Variants in ABCA12 observed in about 807,000 individuals in gnomAD.
ABCA12 encodes glucosylceramide transporter ABCA12.
A neutral mutation model predicts 293.5 loss-of-function variants in ABCA12; 156 were observed. That is an observed-to-expected ratio of 0.53 (90% CI 0.47 to 0.61). The LOEUF is 0.61. Ranked by LOEUF, ABCA12 falls within the 20% of genes least tolerant of loss-of-function variation. The pLI, the probability that ABCA12 is intolerant of heterozygous loss-of-function variation, is 0.00. For synonymous variants in ABCA12, 1,063 were observed against 1,108.0 expected (o/e 0.96, Z 0.81); for missense variants, 2,797 against 3,090.2 (o/e 0.91, Z 2.25).
intron 27 of ABCA12, among the ~76,000 whole-genome samples, chr2:214,987,421 A>G (rs1384323518): frequency 6.6e-6 from 1 of 152,154 alleles, no homozygotes. Context: ...GGGATCTGCA[A>G]TCTTGGCCTA....
intron 23 of ABCA12, among the ~76,000 whole-genome samples, chr2:214,991,656 C>T (rs1474139914): frequency 6.6e-6 from 1 of 152,128 alleles, no homozygotes; most frequent in Non-Finnish European, 1.5e-5. Context: ...TATTTGTCAT[C>T]CTTGTTTTCC....
chr2:215,123,266 T>C (rs183869224), intron 1 of ABCA12, among the ~76,000 whole-genome samples: 147 of 152,236 alleles, frequency 9.7e-4, no homozygotes, highest in Non-Finnish European at 1.9e-3. Context: ...CTCCACCTCC[T>C]AGATCCAGTG....
chr2:214,932,560 G>T lies in ABCA12; in HGVS notation c.*74C>A. ...TACTTTAAAATGAAGATATCTTGCG[G>T]AAGTGTATCTTCTGTGGCTTTTCTT... On this transcript the variant is annotated 3_prime_UTR_variant, in exon 53 of 53. Coordinates refer to ENST00000272895, the MANE Select transcript of ABCA12 (RefSeq NM_173076.3). 3.7e-6 allele frequency: 4 copies of T among 1,071,722 alleles called. No individual in the cohort carries two copies. Among genetic ancestry groups the T allele is most frequent in the Non-Finnish European group, 5.8e-6 (4 of 695,452 alleles). The allele number at this position is 1,071,722 out of a possible 1,614,324, so 66.4% of individuals were successfully genotyped here.
At chr2:215,134,236 G>A (rs1703124832) in intron 1 of ABCA12, among the ~76,000 whole-genome samples, 1 of 146,422 alleles carries the variant, frequency 6.8e-6, no homozygotes, top group African/African-American at 2.6e-5. Context: ...ATATATATAT[G>A]TATATGTGTA....
At chr2:215,134,874 C>T (rs1160314071) in intron 1 of ABCA12, among the ~76,000 whole-genome samples, 4 of 151,898 alleles carry the variant, frequency 2.6e-5, no homozygotes, top group African/African-American at 4.8e-5. Flanking sequence ...TCTCGAACTC[C>T]TAGGCTCAAG....
intron 7 of ABCA12, among the ~76,000 whole-genome samples, chr2:215,044,250 CTG>C (rs901850280): frequency 6.6e-6 from 1 of 152,234 alleles, no homozygotes; most frequent in Non-Finnish European, 1.5e-5. Flanking sequence ...TTCCAAATGA[CTG>C]TGTTGTTTCC....
At chr2:214,991,085 A>G in intron 23 of ABCA12, 54 bp from the exon 24 acceptor site, 1 of 1,502,346 alleles carries the variant, frequency 6.7e-7, no homozygotes, top group Non-Finnish European at 9.3e-7. Flanking sequence ...TTCCAAATAA[A>G]AATTATTCCC....
At chr2:215,119,484 T>G (rs2105906441) in intron 1 of ABCA12, among the ~76,000 whole-genome samples, 1 of 152,234 alleles carries the variant, frequency 6.6e-6, no homozygotes, top group Middle Eastern at 3.4e-3. Flanking sequence ...TTTTTATATA[T>G]GGGGAAAGGT....
At chr2:214,973,604 T>A (rs1325070585) in intron 36 of ABCA12, among the ~76,000 whole-genome samples, 1 of 152,184 alleles carries the variant, frequency 6.6e-6, no homozygotes, top group Non-Finnish European at 1.5e-5. Flanking sequence ...ACAGTGGCAG[T>A]CTTGCTATAT....
intron 38 of ABCA12, among the ~76,000 whole-genome samples, chr2:214,967,596 A>G (rs2105948558): frequency 6.6e-6 from 1 of 152,284 alleles, no homozygotes; most frequent in East Asian, 1.9e-4. Flanking sequence ...ATGTTTGTGC[A>G]AGAATATTTA....
intron 9 of ABCA12, chr2:215,030,290 G>A (rs1193761371): frequency 3.3e-5 from 5 of 152,152 alleles, no homozygotes; most frequent in African/African-American, 1.2e-4. Context: ...TATAGGGAAT[G>A]TGTTTAAAAG....
At chr2:214,995,063 A>C (rs1222521404) in intron 23 of ABCA12, among the ~76,000 whole-genome samples, 2 of 152,168 alleles carry the variant, frequency 1.3e-5, no homozygotes, top group Non-Finnish European at 2.9e-5. Context: ...ACAAAACCCA[A>C]TCGAAAGGCA....
intron 2 of ABCA12, among the ~76,000 whole-genome samples, chr2:215,099,998 A>ATC (rs771541522): frequency 8.5e-4 from 126 of 147,880 alleles, no homozygotes; most frequent in Middle Eastern, 6.9e-3. Context: ...GATGAAATTG[A>ATC]TCTCTCTCTC....
chr2:214,975,721 A>G (rs1411574033), intron 34 of ABCA12, 64 bp downstream of exon 34: 2 of 1,599,894 alleles, frequency 1.3e-6, no homozygotes, highest in Admixed American at 3.3e-5. Context: ...GCCTTCATTC[A>G]GGTACAACCA....
In ABCA12 at chr2:214,983,687, G is replaced by A. The variant is rs1699720571; in HGVS notation, c.4342C>T (p.Pro1448Ser). The A allele has an allele frequency of 1.2e-6, 2 of 1,614,056 alleles. No individual in the cohort carries two copies. The highest frequency in any genetic ancestry group is 2.2e-5 in the East Asian group (1 of 44,862). The stretch of plus-strand genomic sequence containing the variant: ...TGGAGCTGCTTTTTAGTCCAGTGAG[G>A]AACTTTGATGGAACCATATAGGAGA... ...HLLLYGSIKV[P>S]HWTKKQLHEE... Residue 1448 changes from proline to serine, a missense_variant, in exon 29 of 53, where the codon CCT (proline) becomes TCT (serine). Pro to Ser is a moderately conservative substitution (Grantham distance 74). Transcript: ENST00000272895.
chr2:215,105,795 C>T lies in ABCA12; in HGVS notation c.163+5802G>A, dbSNP rs1385565144. Among the ~76,000 whole-genome samples, 4 of 152,160 alleles carry T rather than the reference C, an allele frequency of 2.6e-5. No individual in the cohort carries two copies. The East Asian group carries it at 7.7e-4, about 29-fold the overall frequency. On this transcript the variant is annotated intron_variant, in intron 2 of 52. Coordinates refer to ENST00000272895, the MANE Select transcript of ABCA12 (RefSeq NM_173076.3). ...ATGGGAGGTAAACGAAGGGAGGAGT[C>T]ATGGATGATTCAGATGTTTCTAACC...
At chr2:215,088,641 C>T (rs1434411970) in intron 2 of ABCA12, among the ~76,000 whole-genome samples, 3 of 152,076 alleles carry the variant, frequency 2.0e-5, no homozygotes, top group Non-Finnish European at 4.4e-5. Context: ...AGACTGGAAA[C>T]AAAGCTGTCA....
At chr2:215,103,346 G>A (rs749589073) in intron 2 of ABCA12, among the ~76,000 whole-genome samples, 12 of 136,400 alleles carry the variant, frequency 8.8e-5, no homozygotes, top group Admixed American at 4.4e-4. Flanking sequence ...TCAGCTCACT[G>A]CAACGTCTGC....
chr2:214,991,008 G>A lies in ABCA12; in HGVS notation c.3318C>T (p.Asn1106=), dbSNP rs1481200235. The A allele has an allele frequency of 1.2e-6, 2 of 1,613,816 alleles. No homozygotes were observed. The highest frequency in any genetic ancestry group is 1.7e-6 in the Non-Finnish European group (2 of 1,179,974). Residue 1106 remains asparagine (N), a synonymous_variant, in exon 24 of 53, where the codon AAC becomes AAT. Coordinates refer to ENST00000272895, the MANE Select transcript of ABCA12 (RefSeq NM_173076.3). The part of the protein sequence containing the change: ...LHEYMKMMGV[N]SCSHFFAWLI... ...GCCAGGCAAAGAAATGGCTGCAGGA[G>A]TTCACACCCATCATCTTCATGTACT... is the stretch of plus-strand genomic sequence containing the variant.
Sources: gnomAD v4.1 joint callset for allele counts (sites outside exome capture counted in the v4.1 genomes callset) on GRCh38, gnomAD v4.1.1 for gene constraint, MANE v1.5 for transcripts, NCBI Gene and HGNC (gene_info 2026-07-23, HGNC 2026-07-21) for gene names.